Variants in MAGI1 observed in about 807,000 individuals in gnomAD.
The protein encoded by MAGI1 is membrane-associated guanylate kinase, WW and PDZ domain-containing protein 1.
Under a neutral mutation model 139.9 loss-of-function variants are expected in MAGI1, and 58 were observed. The ratio of observed to expected loss-of-function variants is 0.41; its 90% CI spans 0.34 to 0.52. The LOEUF (loss-of-function observed/expected upper bound fraction) is 0.52, where lower values mean the gene tolerates loss of function less well. Ranked by LOEUF, MAGI1 falls within the 20% of genes least tolerant of loss-of-function variation. The pLI, the probability that MAGI1 is intolerant of heterozygous loss-of-function variation, is 0.12. For synonymous variants in MAGI1, 812 were observed against 737.9 expected (o/e 1.10, Z -1.63); for missense variants, 1,874 against 1,901.6 (o/e 0.99, Z 0.27).
intron 1 of MAGI1, among the ~76,000 whole-genome samples, chr3:65,707,167 T>C (rs1270138112): frequency 6.6e-6 from 1 of 152,200 alleles, no homozygotes; most frequent in Non-Finnish European, 1.5e-5. Context: ...TGTAGGCAAC[T>C]TTCCTTCAGT....
At chr3:65,994,800 G>A (rs910718153) in intron 1 of MAGI1, among the ~76,000 whole-genome samples, 4 of 152,156 alleles carry the variant, frequency 2.6e-5, no homozygotes, top group Admixed American at 6.5e-5. Flanking sequence ...TCAACAGGAG[G>A]GGACTCTCTA....
chr3:65,670,689 G>A (rs1235037282), intron 1 of MAGI1, among the ~76,000 whole-genome samples: 1 of 151,980 alleles, frequency 6.6e-6, no homozygotes, highest in East Asian at 1.9e-4. Flanking sequence ...GGTACCCATG[G>A]AGCTTATCCA....
intron 1 of MAGI1, among the ~76,000 whole-genome samples, chr3:65,843,406 C>T (rs1285210514): frequency 6.6e-6 from 1 of 152,174 alleles, no homozygotes; most frequent in Non-Finnish European, 1.5e-5. Context: ...AAACCTGAAG[C>T]TCAGGATCCC....
intron 5 of MAGI1, chr3:65,469,777 T>A (rs1423186974): frequency 1.3e-5 from 2 of 151,506 alleles, no homozygotes; most frequent in Non-Finnish European, 2.9e-5. Flanking sequence ...AAAGCCAGAC[T>A]TAGAGAAAAT....
At chr3:65,921,049 A>G (rs561566131) in intron 1 of MAGI1, among the ~76,000 whole-genome samples, 21 of 151,858 alleles carry the variant, frequency 1.4e-4, no homozygotes, top group Non-Finnish European at 2.8e-4. Context: ...AACAAAATGG[A>G]ATTGGGCTGC....
At chr3:65,666,493 A>G (rs1433642452) in intron 1 of MAGI1, among the ~76,000 whole-genome samples, 1 of 152,184 alleles carries the variant, frequency 6.6e-6, no homozygotes, top group Non-Finnish European at 1.5e-5. Flanking sequence ...GTGAGTTTGG[A>G]AAATGCTGCT....
Position 65,473,734 on chromosome 3 carries a change from A to C in MAGI1, c.758-3250T>G, listed in dbSNP as rs1407903171. ...TCTGGGAAAATCTCTTAGTAATTTT[A>C]ATTTCCTGGAGGAAAAAAAAAAATC... On this transcript the variant is annotated intron_variant, in intron 4 of 22. Coordinates refer to ENST00000402939, the MANE Select transcript of MAGI1 (RefSeq NM_001033057.2). Among the ~76,000 whole-genome samples the C allele has an allele frequency of 5.8e-5, 8 of 137,882 alleles. No homozygotes were observed. In the Admixed American group the frequency reaches 6.0e-4, roughly 10 times the overall value. 90.5% of individuals were successfully genotyped at this position (137,882 alleles called of 152,430 possible).
At chr3:65,777,661 AAG>A (rs936639622) in intron 1 of MAGI1, among the ~76,000 whole-genome samples, 5 of 150,580 alleles carry the variant, frequency 3.3e-5, no homozygotes, top group Non-Finnish European at 5.9e-5. Flanking sequence ...AAAAAAAAGA[AAG>A]AAAGAAAGAA....
At chr3:65,498,299 G>C (rs1576029835) in intron 2 of MAGI1, among the ~76,000 whole-genome samples, 4 of 132,608 alleles carry the variant, frequency 3.0e-5, no homozygotes, top group African/African-American at 1.1e-4. Context: ...AAAAAAAAAA[G>C]CGACCAGGCT....
At chr3:65,838,820 T>C (rs1187211895) in intron 1 of MAGI1, among the ~76,000 whole-genome samples, 1 of 152,238 alleles carries the variant, frequency 6.6e-6, no homozygotes, top group African/African-American at 2.4e-5. Flanking sequence ...CCAGTGTGTT[T>C]GTACCATTTT....
intron 1 of MAGI1, among the ~76,000 whole-genome samples, chr3:66,021,581 C>T (rs2067961307): frequency 6.6e-6 from 1 of 152,136 alleles, no homozygotes; most frequent in South Asian, 2.1e-4. Context: ...TATTTTAGAG[C>T]CTGGAGCATC....
intron 1 of MAGI1, among the ~76,000 whole-genome samples, chr3:66,002,529 T>G (rs2066798474): frequency 6.6e-6 from 1 of 152,080 alleles, no homozygotes; most frequent in African/African-American, 2.4e-5. Context: ...CTTTTTTTGT[T>G]TTTTGGGGAC....
At chr3:65,870,554 G>T (rs933976181) in intron 1 of MAGI1, among the ~76,000 whole-genome samples, 1 of 150,686 alleles carries the variant, frequency 6.6e-6, no homozygotes, top group African/African-American at 2.4e-5. Flanking sequence ...AGGCAGAAAG[G>T]AAGACAGTAA....
chr3:65,639,888 G>A (rs1272268674), intron 1 of MAGI1, among the ~76,000 whole-genome samples: 2 of 151,674 alleles, frequency 1.3e-5, no homozygotes, highest in African/African-American at 2.4e-5. Context: ...TGTAATCCCA[G>A]CTACTCAGGA....
intron 1 of MAGI1, among the ~76,000 whole-genome samples, chr3:65,801,428 A>C (rs2040506488): frequency 6.6e-6 from 1 of 151,962 alleles, no homozygotes; most frequent in Non-Finnish European, 1.5e-5. Flanking sequence ...CCGGTCGCTT[A>C]AGTCTTAGAT....
intron 1 of MAGI1, among the ~76,000 whole-genome samples, chr3:65,692,620 T>C (rs193121834): frequency 1.3e-5 from 2 of 152,248 alleles, no homozygotes; most frequent in South Asian, 2.1e-4. Context: ...CAAAAATTCA[T>C]GTACTGGAAT....
chr3:65,484,186 CTGTT>C (rs953601554), intron 3 of MAGI1, among the ~76,000 whole-genome samples: 3 of 152,158 alleles, frequency 2.0e-5, no homozygotes, highest in African/African-American at 2.4e-5. Flanking sequence ...ATGGATCACA[CTGTT>C]TGTGTAGCAA....
At chr3:65,867,097 C>A (rs983532023) in intron 1 of MAGI1, among the ~76,000 whole-genome samples, 1 of 152,118 alleles carries the variant, frequency 6.6e-6, no homozygotes, top group Non-Finnish European at 1.5e-5. Context: ...AAATTGGAGA[C>A]CATTAAGAAC....
In MAGI1 at chr3:65,717,518, G is replaced by A. The variant is rs558163975; in HGVS notation, c.314-95430C>T. ...TTTCATGACTCTGGTATAAACAGTC[G>A]AAGTAGCCTGTGATGAAAGATGACA... is the stretch of plus-strand genomic sequence containing the variant. On this transcript the variant is annotated intron_variant, in intron 1 of 22. Coordinates refer to ENST00000402939, the MANE Select transcript of MAGI1 (RefSeq NM_001033057.2). 4.6e-5 allele frequency: 7 copies of A among 152,252 alleles called. No homozygotes were observed. The South Asian group carries it at 6.2e-4, about 14-fold the overall frequency. The allele number at this position is 152,252 out of a possible 1,614,324, so 9.4% of individuals were successfully genotyped here. A position where few individuals can be genotyped will look rare whatever the true frequency, so the allele number is the denominator to read the frequency against.
Sources: allele counts gnomAD v4.1 joint callset (sites outside exome capture counted in the v4.1 genomes callset), GRCh38; gene constraint gnomAD v4.1.1; transcripts MANE v1.5; gene names NCBI Gene and HGNC (gene_info 2026-07-23, HGNC 2026-07-21).